Variants in AKAP19 observed in about 807,000 individuals in gnomAD.
AKAP19 encodes the protein small A-kinase anchoring protein.
At chr2:190,086,385 G>A in the AKAP19 span, among the ~76,000 whole-genome samples, 1 of 152,148 alleles carries the variant, frequency 6.6e-6, no homozygotes, top group Admixed American at 6.5e-5. Context: ...GGAAGATGAC[G>A]AATCTCCTAA....
At chr2:190,151,573 G>T in the AKAP19 span, among the ~76,000 whole-genome samples, 1 of 152,202 alleles carries the variant, frequency 6.6e-6, no homozygotes, top group Non-Finnish European at 1.5e-5. Context: ...GTATTCCATG[G>T]TGTATATGTA....
the AKAP19 span, among the ~76,000 whole-genome samples, chr2:190,179,833 C>T: frequency 1.3e-5 from 2 of 152,304 alleles, no homozygotes; most frequent in East Asian, 3.9e-4. The surrounding 1 kb of genome is among the most constrained non-coding windows in gnomAD (Gnocchi z 6.0). Context: ...TCCCTTCAAG[C>T]ATGAATTTCG....
chr2:189,897,824 A>G, the AKAP19 span, among the ~76,000 whole-genome samples: 1 of 152,174 alleles, frequency 6.6e-6, no homozygotes, highest in Non-Finnish European at 1.5e-5. Context: ...AATGCTCTGA[A>G]TGGGTAACAG....
the AKAP19 span, chr2:190,057,519 A>C: frequency 3.1e-6 from 5 of 1,613,420 alleles, no homozygotes; most frequent in Admixed American, 5.0e-5. Flanking sequence ...AAGCTTCAAA[A>C]TCCACAGTTA....
chr2:189,953,461 C>G, the AKAP19 span, among the ~76,000 whole-genome samples: 1 of 151,672 alleles, frequency 6.6e-6, no homozygotes, highest in East Asian at 1.9e-4. Context: ...ATGGTGAAAC[C>G]CTGTCTCTGC....
the AKAP19 span, among the ~76,000 whole-genome samples, chr2:190,178,644 G>A: frequency 6.6e-6 from 1 of 152,248 alleles, no homozygotes; most frequent in Non-Finnish European, 1.5e-5. The surrounding 1 kb of genome is among the most constrained non-coding windows in gnomAD (Gnocchi z 6.3). Context: ...AGCCTGGCAG[G>A]AGCAGCTTGG....
the AKAP19 span, among the ~76,000 whole-genome samples, chr2:189,937,705 G>A: frequency 1.1e-4 from 17 of 152,248 alleles, 1 homozygote; most frequent in African/African-American, 2.9e-4. Context: ...TCAAAACAAC[G>A]AGATATCATC....
At chr2:190,017,897 T>G in the AKAP19 span, among the ~76,000 whole-genome samples, 2 of 152,238 alleles carry the variant, frequency 1.3e-5, no homozygotes, top group Non-Finnish European at 2.9e-5. Context: ...TGTCTCTTCC[T>G]CATTTATAAA....
At chr2:190,100,324 G>A in the AKAP19 span, among the ~76,000 whole-genome samples, 1 of 152,214 alleles carries the variant, frequency 6.6e-6, no homozygotes, top group African/African-American at 2.4e-5. Context: ...GGACTTTGAA[G>A]CCAGGAAATC....
chr2:190,038,901 T>TTTCTTTCTTTCTTTCTTC, the AKAP19 span, among the ~76,000 whole-genome samples: 13 of 46,020 alleles, frequency 2.8e-4, no homozygotes, highest in African/African-American at 5.1e-4. Context: ...TCTTTCTTTC[T>TTTCTTTCTTTCTTTCTTC]TTCTTCTTCT....
the AKAP19 span, among the ~76,000 whole-genome samples, chr2:190,025,084 A>G: frequency 3.9e-5 from 6 of 152,180 alleles, no homozygotes; most frequent in Non-Finnish European, 7.3e-5. Flanking sequence ...TTGATCACTA[A>G]GATTTACCAG....
chr2:190,089,312 G>T, the AKAP19 span, among the ~76,000 whole-genome samples: 1 of 151,022 alleles, frequency 6.6e-6, no homozygotes, highest in Non-Finnish European at 1.5e-5. Context: ...TTTGACTCTG[G>T]GGTCCTTCAG....
the AKAP19 span, among the ~76,000 whole-genome samples, chr2:190,018,201 T>G: frequency 6.6e-6 from 1 of 152,198 alleles, no homozygotes; most frequent in Non-Finnish European, 1.5e-5. Context: ...TCCCCAGATA[T>G]AGGAAGTCTT....
At chr2:190,111,165 C>A in the AKAP19 span, among the ~76,000 whole-genome samples, 2 of 152,140 alleles carry the variant, frequency 1.3e-5, no homozygotes, top group Non-Finnish European at 2.9e-5. Flanking sequence ...GGATTGCTAG[C>A]AGCAAGGAGG....
chr2:189,978,356 C>T, the AKAP19 span, among the ~76,000 whole-genome samples: 3 of 152,180 alleles, frequency 2.0e-5, no homozygotes, highest in African/African-American at 4.8e-5. Context: ...CATGGTGGCT[C>T]ATGCCTGTAA....
chr2:189,912,508 TC>T, the AKAP19 span, among the ~76,000 whole-genome samples: 6 of 152,072 alleles, frequency 3.9e-5, no homozygotes, highest in Admixed American at 2.0e-4. Context: ...AACACTGCAC[TC>T]CAGCCCGGGC....
At chr2:189,973,897 T>C in the AKAP19 span, among the ~76,000 whole-genome samples, 1 of 152,188 alleles carries the variant, frequency 6.6e-6, no homozygotes, top group East Asian at 1.9e-4. Context: ...TTGCTAGCAG[T>C]CTATCAATTT....
At chr2:189,944,373 T>C in the AKAP19 span, among the ~76,000 whole-genome samples, 4 of 152,278 alleles carry the variant, frequency 2.6e-5, no homozygotes, top group African/African-American at 9.6e-5. Context: ...CCTTCCACTA[T>C]GTTTGTAAGC....
At chr2:189,883,474 C>T in the AKAP19 span, among the ~76,000 whole-genome samples, 1 of 150,052 alleles carries the variant, frequency 6.7e-6, no homozygotes, top group Non-Finnish European at 1.5e-5. Context: ...AGTACACAAT[C>T]GTTTCTAACA....
Sources: gnomAD v4.1 joint callset for allele counts (sites outside exome capture counted in the v4.1 genomes callset) on GRCh38, gnomAD v4.1.1 for gene constraint, Gnocchi (gnomAD v3.1) non-coding constraint, MANE v1.5 for transcripts, NCBI Gene and HGNC (gene_info 2026-07-23, HGNC 2026-07-21) for gene names.